SIK3: variants seen among roughly 807,000 people sequenced by gnomAD.
The protein encoded by SIK3 is serine/threonine-protein kinase SIK3.
In SIK3, 28 loss-of-function variants were observed where a neutral mutation model predicts 144.2. The ratio of observed to expected loss-of-function variants is 0.19; its 90% CI spans 0.14 to 0.27. The LOEUF is 0.27. Ranked by LOEUF, SIK3 falls within the 10% of genes least tolerant of loss-of-function variation. SIK3 has a pLI of 1.00. For synonymous variants in SIK3, 686 were observed against 676.3 expected (o/e 1.01, Z -0.22); for missense variants, 1,319 against 1,776.0 (o/e 0.74, Z 4.62).
intron 4 of SIK3, among the ~76,000 whole-genome samples, chr11:116,913,889 C>T (rs1946470497): frequency 6.7e-6 from 1 of 149,474 alleles, no homozygotes; most frequent in Admixed American, 6.6e-5. Context: ...GACTGTGTCT[C>T]AAAAAAACAA....
At position 116,970,677 on chromosome 11, in the gene SIK3, G is replaced by C. The variant is rs565441612; in HGVS notation, c.274-13613C>G. On this transcript the variant is annotated intron_variant, in intron 1 of 24. Transcript: ENST00000445177. Reference sequence around the variant, plus strand: ...ATTTGTTATTTCTTTTAGAGACAGAGTCTTGCTCCGTTGACCACGCTGGAG... The same window carrying C: ...ATTTGTTATTTCTTTTAGAGACAGACTCTTGCTCCGTTGACCACGCTGGAG... Among the ~76,000 whole-genome samples, 31 of 152,054 alleles carry C rather than the reference G, an allele frequency of 2.0e-4. No homozygotes were observed. In the South Asian group the frequency reaches 2.7e-3, roughly 13 times the overall value.
chr11:117,022,916 T>G (rs1422320491), intron 1 of SIK3, among the ~76,000 whole-genome samples: 2 of 152,196 alleles, frequency 1.3e-5, no homozygotes, highest in Non-Finnish European at 2.9e-5. Context: ...CAGGTTTATT[T>G]TGTTCAGAAA....
chr11:117,055,217 T>A (rs1953457944), intron 1 of SIK3, among the ~76,000 whole-genome samples: 1 of 152,208 alleles, frequency 6.6e-6, no homozygotes, highest in Non-Finnish European at 1.5e-5. Context: ...GCTCAATATT[T>A]TTGTACGAAC....
chr11:117,021,555 T>C (rs562817422), intron 1 of SIK3, among the ~76,000 whole-genome samples: 4 of 152,310 alleles, frequency 2.6e-5, no homozygotes, highest in Admixed American at 6.5e-5. Context: ...AGATCTCTGT[T>C]TATTATTCTA....
intron 20 of SIK3, 100 bp downstream of exon 20, chr11:116,859,165 A>T: frequency 1.8e-6 from 2 of 1,100,602 alleles, no homozygotes; most frequent in Non-Finnish European, 2.6e-6. Context: ...CAGCCTAGTC[A>T]GACCCATTCT....
chr11:116,862,095 G>A (rs1401528522), intron 17 of SIK3, 107 bp downstream of exon 17: 2 of 1,512,594 alleles, frequency 1.3e-6, no homozygotes, highest in African/African-American at 2.7e-5. Flanking sequence ...ACCATAAACA[G>A]ACCTCAAATC....
intron 1 of SIK3, among the ~76,000 whole-genome samples, chr11:116,973,701 T>C (rs1038847516): frequency 1.3e-5 from 2 of 152,208 alleles, no homozygotes; most frequent in South Asian, 4.1e-4. Context: ...ATGTTGATAG[T>C]ATGTGCCCTT....
At chr11:116,973,078 T>G (rs7948612) in intron 1 of SIK3, among the ~76,000 whole-genome samples, 7,002 of 152,174 alleles carry the variant, frequency 0.046, 539 homozygotes, top group African/African-American at 0.16. Flanking sequence ...GTAACTACTT[T>G]CCCAGTTAAG....
chr11:117,065,624 A>G (rs1485934768), intron 1 of SIK3, among the ~76,000 whole-genome samples: 1 of 149,876 alleles, frequency 6.7e-6, no homozygotes, highest in Non-Finnish European at 1.5e-5. Context: ...AAATTTAAAA[A>G]TAACTTTCAT....
chr11:117,056,945 G>A (rs1953563406), intron 1 of SIK3, among the ~76,000 whole-genome samples: 3 of 152,074 alleles, frequency 2.0e-5, no homozygotes, highest in African/African-American at 7.2e-5. Context: ...AAAGAAACAG[G>A]TCAATACGCT....
intron 3 of SIK3, among the ~76,000 whole-genome samples, chr11:116,940,231 GTTTTTTTT>G (rs759117065): frequency 7.4e-6 from 1 of 135,794 alleles, no homozygotes; most frequent in South Asian, 2.3e-4. Context: ...AGGTTTTTTT[GTTTTTTTT>G]TTTTTTTTGA....
At chr11:116,960,829 GTTATT>G (rs1591432601) in intron 1 of SIK3, among the ~76,000 whole-genome samples, 1 of 152,280 alleles carries the variant, frequency 6.6e-6, no homozygotes, top group East Asian at 1.9e-4. Context: ...TAGTGCTGTT[GTTATT>G]TTATTTTCTT....
At chr11:117,012,757 T>A (rs1951314549) in intron 1 of SIK3, among the ~76,000 whole-genome samples, 1 of 151,654 alleles carries the variant, frequency 6.6e-6, no homozygotes. Context: ...ATCTCTCAAT[T>A]GGGCACTTAG....
At position 117,098,381 on chromosome 11, in the gene SIK3, G is replaced by A. The variant is rs2134123911; in HGVS notation, c.35C>T (p.Ala12Val). The change falls in exon 1 of 25, where the codon GCT becomes GTT. Residue 12 changes from alanine to valine, a missense_variant. Transcript: ENST00000445177. ...AAAAASGAGG[A>V]AGAGTGGAGP... is the part of the protein sequence containing the mutation. ...GGCTCCCCCAGTCCCGGCCCCGGCA[G>A]CCCCGCCAGCTCCGCTCGCCGCCGC... is the stretch of plus-strand genomic sequence containing the variant. The A allele has an allele frequency of 1.7e-6, 2 of 1,159,684 alleles. No individual in the cohort carries two copies. Among genetic ancestry groups the A allele is most frequent in the Non-Finnish European group, 1.1e-6 (1 of 944,170 alleles). 71.8% of individuals were successfully genotyped at this position (1,159,684 alleles called of 1,614,324 possible). A position where few individuals can be genotyped will look rare whatever the true frequency, so the allele number is the denominator to read the frequency against.
intron 3 of SIK3, among the ~76,000 whole-genome samples, chr11:116,933,137 C>CT (rs35571107): frequency 0.14 from 19,825 of 139,898 alleles, 1,438 homozygotes; most frequent in Middle Eastern, 0.19. Context: ...AACCTTGCTC[C>CT]TTTTTTTTTT....
intron 1 of SIK3, among the ~76,000 whole-genome samples, chr11:117,005,284 C>T (rs886711049): frequency 6.0e-5 from 8 of 134,312 alleles, no homozygotes; most frequent in African/African-American, 1.5e-4. Flanking sequence ...TGCAGTGAGC[C>T]GAGATCGCAC....
At chr11:116,932,204 A>C (rs749955607) in intron 3 of SIK3, among the ~76,000 whole-genome samples, 15 of 152,132 alleles carry the variant, frequency 9.9e-5, no homozygotes, top group Non-Finnish European at 1.6e-4. Context: ...TCACTCCTAG[A>C]TTTCTGCAAT....
intron 4 of SIK3, among the ~76,000 whole-genome samples, chr11:116,909,080 T>C (rs1431268028): frequency 1.3e-5 from 2 of 152,158 alleles, no homozygotes; most frequent in African/African-American, 4.8e-5. Context: ...GAATACTATA[T>C]AGAAATAAAA....
intron 1 of SIK3, among the ~76,000 whole-genome samples, chr11:116,964,708 C>A (rs1203047585): frequency 6.6e-6 from 1 of 152,002 alleles, no homozygotes; most frequent in Non-Finnish European, 1.5e-5. Flanking sequence ...TGGTGAAACC[C>A]CACCTCTACT....
Sources: gnomAD v4.1 joint callset for allele counts (sites outside exome capture counted in the v4.1 genomes callset) on GRCh38, gnomAD v4.1.1 for gene constraint, MANE v1.5 for transcripts, NCBI Gene and HGNC (gene_info 2026-07-23, HGNC 2026-07-21) for gene names.